CAPS2: variants seen among roughly 807,000 people sequenced by gnomAD.
CAPS2 encodes the protein calcyphosin-2.
In CAPS2, 98 loss-of-function variants were observed where a neutral mutation model predicts 86.5. The ratio of observed to expected loss-of-function variants is 1.13; its 90% CI spans 0.96 to 1.34. The LOEUF (loss-of-function observed/expected upper bound fraction) is 1.34. Ranked by LOEUF, CAPS2 falls within the 40% of genes most tolerant of loss-of-function variation. The probability of loss-of-function intolerance (pLI) is 0.00; values close to 1 mark genes in which losing one functional copy is unlikely to be tolerated. For synonymous variants in CAPS2, 210 were observed against 225.1 expected (o/e 0.93, Z 0.60); for missense variants, 729 against 686.8 (o/e 1.06, Z -0.69).
At chr12:75,332,507 G>C (rs2041401284), upstream of CAPS2, among the ~76,000 whole-genome samples, 1 of 152,096 alleles carries the variant, frequency 6.6e-6, no homozygotes, top group South Asian at 2.1e-4. Flanking sequence ...GTTAGAAAAA[G>C]TGAAATATAT....
chr12:75,286,903 T>A (rs1363443279), intron 14 of CAPS2, among the ~76,000 whole-genome samples: 2 of 151,852 alleles, frequency 1.3e-5, no homozygotes, highest in Non-Finnish European at 2.9e-5. Flanking sequence ...ATATAATTAC[T>A]GTAGTTTTTG....
At chr12:75,343,118 T>G (rs961794544) in intron 1 of CAPS2, among the ~76,000 whole-genome samples, 1 of 152,014 alleles carries the variant, frequency 6.6e-6, no homozygotes, top group Non-Finnish European at 1.5e-5. Flanking sequence ...TTTTGTCTTA[T>G]GTATTTACAA....
At chr12:75,358,458 A>G (rs76050931) in intron 1 of CAPS2, among the ~76,000 whole-genome samples, 5,712 of 151,478 alleles carry the variant, frequency 0.038, 126 homozygotes, top group East Asian at 0.052. Flanking sequence ...TGAAAATAAG[A>G]ATTATATGAT....
At chr12:75,328,397 C>T (rs528353726), upstream of CAPS2, among the ~76,000 whole-genome samples, 1 of 152,128 alleles carries the variant, frequency 6.6e-6, no homozygotes, top group Non-Finnish European at 1.5e-5. Flanking sequence ...ATTTAAAAAG[C>T]GGCAACATGT....
intron 5 of CAPS2, among the ~76,000 whole-genome samples, chr12:75,320,073 A>G (rs565683738): frequency 6.6e-6 from 1 of 152,266 alleles, no homozygotes; most frequent in East Asian, 1.9e-4. Context: ...CACCTTTAAT[A>G]TAGATTCTAA....
chr12:75,390,427 G>A (rs577494116), intron 1 of CAPS2: 1 of 455,806 alleles, frequency 2.2e-6, no homozygotes, highest in African/African-American at 2.0e-5. Flanking sequence ...GAAGAGTTTG[G>A]TGATCCCTAC....
chr12:75,343,732 G>A (rs1565961072), intron 1 of CAPS2: 3 of 1,612,060 alleles, frequency 1.9e-6, no homozygotes, highest in Non-Finnish European at 8.5e-7. Flanking sequence ...TAAAGCATGG[G>A]CAAACCAGTG....
At chr12:75,326,427 C>T (rs1283300481) in exon 1 of CAPS2, 1 of 1,440,852 alleles carries the variant, frequency 6.9e-7, no homozygotes, top group Non-Finnish European at 9.6e-7. Flanking sequence ...CTTGTAGAGG[C>T]TTCTTTCTTC....
intron 4 of CAPS2, among the ~76,000 whole-genome samples, chr12:75,322,296 T>C (rs1348317843): frequency 6.6e-6 from 1 of 151,970 alleles, no homozygotes. Flanking sequence ...CTAAAAGAAG[T>C]GCTATACAAA....
intron 5 of CAPS2, among the ~76,000 whole-genome samples, chr12:75,317,893 T>C (rs180894938): frequency 3.9e-5 from 6 of 152,216 alleles, no homozygotes; most frequent in Admixed American, 3.9e-4. Flanking sequence ...AAAAATACAG[T>C]ACAGTATGAT....
At chr12:75,367,268 GAAAAAA>G (rs35250320) in intron 1 of CAPS2, among the ~76,000 whole-genome samples, 1 of 88,734 alleles carries the variant, frequency 1.1e-5, no homozygotes, top group Non-Finnish European at 2.1e-5. Context: ...TTCCTAGGAG[GAAAAAA>G]AAAAAAAAAA....
rs184552537 is a variant in CAPS2, at chr12:75,312,721, C to G, written c.659+127G>C. On this transcript the variant is annotated intron_variant, in intron 7 of 16. Transcript: ENST00000393284. ...ACTAAAACACTAACGGTGCAGTAAA[C>G]AGAGAAAGTTTGGGAACCTCTGAGT... 7.0e-5 allele frequency: 41 copies of G among 589,694 alleles called. No homozygotes were observed. In the East Asian group the frequency reaches 1.1e-3, roughly 15 times the overall value. The allele number at this position is 589,694 out of a possible 1,614,324, so 36.5% of individuals were successfully genotyped here.
chr12:75,285,690 T>C, intron 14 of CAPS2, among the ~76,000 whole-genome samples: 1 of 151,952 alleles, frequency 6.6e-6, no homozygotes, highest in Non-Finnish European at 1.5e-5. Flanking sequence ...TCTATCTACC[T>C]ATAGATATAT....
chr12:75,326,496 C>G, exon 1 of CAPS2: 3 of 1,533,214 alleles, frequency 2.0e-6, no homozygotes, highest in Non-Finnish European at 2.7e-6. Flanking sequence ...CCTCTAAATC[C>G]ATTTGAGTTC....
At chr12:75,296,683 G>C (rs1249746652) in intron 11 of CAPS2, among the ~76,000 whole-genome samples, 1 of 152,086 alleles carries the variant, frequency 6.6e-6, no homozygotes, top group East Asian at 1.9e-4. Flanking sequence ...TTTAAGGAGT[G>C]TTTAGAAAGA....
At chr12:75,372,316 T>C (rs1343045090) in intron 1 of CAPS2, among the ~76,000 whole-genome samples, 3 of 152,092 alleles carry the variant, frequency 2.0e-5, no homozygotes, top group African/African-American at 7.2e-5. Context: ...CCCAACCTGA[T>C]TTCATCTTGA....
chr12:75,327,601 C>T (rs1311624075), upstream of CAPS2, among the ~76,000 whole-genome samples: 1 of 151,744 alleles, frequency 6.6e-6, no homozygotes, highest in South Asian at 2.1e-4. Context: ...AGCATGGCAT[C>T]CTGCCAGCTT....
chr12:75,283,904 C>A (rs1378482664), intron 15 of CAPS2, among the ~76,000 whole-genome samples: 1 of 152,126 alleles, frequency 6.6e-6, no homozygotes, highest in Admixed American at 6.5e-5. Context: ...CATCTGCAAG[C>A]CAAGGAGAGA....
chr12:75,370,085 A>G (rs2139699360), intron 1 of CAPS2: 1 of 1,593,392 alleles, frequency 6.3e-7, no homozygotes, highest in East Asian at 2.2e-5. Flanking sequence ...TTTTTGACAG[A>G]AAATCCATTT....
Sources: gnomAD v4.1 joint callset for allele counts (sites outside exome capture counted in the v4.1 genomes callset) on GRCh38, gnomAD v4.1.1 for gene constraint, MANE v1.5 for transcripts, NCBI Gene and HGNC (gene_info 2026-07-23, HGNC 2026-07-21) for gene names.